TMEM217B: variants seen among roughly 807,000 people sequenced by gnomAD.
The protein encoded by TMEM217B is putative transmembrane protein 217B.
chr6:37,218,980 C>A, the TMEM217B span: 1 of 1,614,192 alleles, frequency 6.2e-7, no homozygotes, highest in Non-Finnish European at 8.5e-7. Context: ...AGACCCCTGA[C>A]AACACGGTGC....
the TMEM217B span, among the ~76,000 whole-genome samples, chr6:37,245,568 G>A: frequency 2.0e-5 from 3 of 152,208 alleles, no homozygotes; most frequent in Non-Finnish European, 4.4e-5. Flanking sequence ...ATAATACTAG[G>A]AGGTGGGCTC....
chr6:37,257,713 G>C, the TMEM217B span: 1 of 553,518 alleles, frequency 1.8e-6, no homozygotes, highest in Admixed American at 3.6e-5. Flanking sequence ...CCAATTGGTC[G>C]GCCCGTCCAC....
the TMEM217B span, among the ~76,000 whole-genome samples, chr6:37,250,060 A>G: frequency 6.6e-6 from 1 of 152,250 alleles, no homozygotes; most frequent in Non-Finnish European, 1.5e-5. Flanking sequence ...GGACTATTAC[A>G]ACAGTGAAAA....
At chr6:37,213,180 C>A in the TMEM217B span, among the ~76,000 whole-genome samples, 2 of 152,176 alleles carry the variant, frequency 1.3e-5, no homozygotes, top group Non-Finnish European at 1.5e-5. Context: ...TAGATGTGAC[C>A]ACATCATTGA....
chr6:37,224,717 AGCAGCTGGGAT>A, the TMEM217B span, among the ~76,000 whole-genome samples: 5 of 152,072 alleles, frequency 3.3e-5, no homozygotes, highest in Non-Finnish European at 5.9e-5. Flanking sequence ...CAGCCTTCTG[AGCAGCTGGGAT>A]TACAGGAGTG....
the TMEM217B span, chr6:37,218,553 C>T: frequency 6.2e-7 from 1 of 1,613,984 alleles, no homozygotes; most frequent in African/African-American, 1.3e-5. Context: ...ATTATATTGC[C>T]CTGGCTCCGG....
At chr6:37,228,108 T>C in the TMEM217B span, among the ~76,000 whole-genome samples, 1 of 152,082 alleles carries the variant, frequency 6.6e-6, no homozygotes, top group Non-Finnish European at 1.5e-5. Context: ...GGTATGAAGA[T>C]ACTAGGGCTG....
chr6:37,231,583 G>A, the TMEM217B span, among the ~76,000 whole-genome samples: 1 of 148,806 alleles, frequency 6.7e-6, no homozygotes, highest in Non-Finnish European at 1.5e-5. Context: ...TGAGGCAGGA[G>A]AATGGCGTGA....
the TMEM217B span, among the ~76,000 whole-genome samples, chr6:37,245,842 C>T: frequency 6.6e-6 from 1 of 151,062 alleles, no homozygotes; most frequent in African/African-American, 2.4e-5. Flanking sequence ...TCTTGTTGCC[C>T]AGGCTGGAGT....
At chr6:37,214,248 G>A in the TMEM217B span, among the ~76,000 whole-genome samples, 927 of 151,656 alleles carry the variant, frequency 6.1e-3, 8 homozygotes, top group Middle Eastern at 0.068. Context: ...TCTCTCTTTC[G>A]ACAGAGTCTT....
chr6:37,212,552 T>C, the TMEM217B span: 1 of 461,044 alleles, frequency 2.2e-6, no homozygotes, highest in Admixed American at 2.3e-5. Flanking sequence ...TGCTTGACGA[T>C]GAAGGGCAGA....
the TMEM217B span, among the ~76,000 whole-genome samples, chr6:37,215,570 C>CAAAAAAAAAAAAAAAAAAAA: frequency 2.9e-4 from 21 of 72,368 alleles, no homozygotes; most frequent in African/African-American, 9.6e-4. Context: ...GACTCTGTCT[C>CAAAAAAAAAAAAAAAAAAAA]AAAAAAAAAA....
chr6:37,220,493 A>T, the TMEM217B span, among the ~76,000 whole-genome samples: 1 of 151,944 alleles, frequency 6.6e-6, no homozygotes, highest in Admixed American at 6.6e-5. Flanking sequence ...TGTTAACTAC[A>T]CTGAGCAGGT....
At chr6:37,215,082 C>G in the TMEM217B span, 1 of 1,389,650 alleles carries the variant, frequency 7.2e-7, no homozygotes, top group Non-Finnish European at 9.8e-7. Context: ...CTCTGCTGCC[C>G]CAGCCTTGGT....
chr6:37,222,218 T>C, the TMEM217B span, among the ~76,000 whole-genome samples: 2 of 152,334 alleles, frequency 1.3e-5, no homozygotes, highest in East Asian at 3.9e-4. Context: ...ACTGGCGGCC[T>C]GGCCCCAGCC....
At chr6:37,256,284 A>G in the TMEM217B span, among the ~76,000 whole-genome samples, 1 of 152,166 alleles carries the variant, frequency 6.6e-6, no homozygotes, top group Non-Finnish European at 1.5e-5. Flanking sequence ...GTTTTAGATT[A>G]CTCTTTCAAG....
the TMEM217B span, among the ~76,000 whole-genome samples, chr6:37,223,023 A>G: frequency 6.6e-6 from 1 of 152,262 alleles, no homozygotes; most frequent in African/African-American, 2.4e-5. Flanking sequence ...GGTTGGACAC[A>G]GATTAAGGAA....
the TMEM217B span, among the ~76,000 whole-genome samples, chr6:37,229,712 G>A: frequency 1.3e-4 from 20 of 152,202 alleles, no homozygotes; most frequent in Non-Finnish European, 2.5e-4. Flanking sequence ...CTAAGTTACA[G>A]CCATCTATAG....
At chr6:37,215,327 A>C in the TMEM217B span, 1 of 1,599,376 alleles carries the variant, frequency 6.3e-7, no homozygotes, top group Non-Finnish European at 8.5e-7. Context: ...TTTTTAATTA[A>C]GAGAAAAGAA....
Sources: gnomAD v4.1 joint callset for allele counts (sites outside exome capture counted in the v4.1 genomes callset) on GRCh38, gnomAD v4.1.1 for gene constraint, MANE v1.5 for transcripts, NCBI Gene and HGNC (gene_info 2026-07-23, HGNC 2026-07-21) for gene names.